The following IGSF21 variants were observed in gnomAD, a reference collection of about 807,000 sequenced individuals.
IGSF21 encodes the protein immunoglobin superfamily member 21, also known as immunoglobulin superfamily member 21.
In IGSF21, 28 loss-of-function variants were observed where a neutral mutation model predicts 46.8. The ratio of observed to expected loss-of-function variants is 0.60; its 90% confidence interval spans 0.44 to 0.82. The LOEUF (loss-of-function observed/expected upper bound fraction) is 0.82. Ranked by LOEUF, IGSF21 falls within the 40% of genes least tolerant of loss-of-function variation. The pLI is 0.00. For synonymous variants in IGSF21, 284 were observed against 273.6 expected (o/e 1.04, Z -0.38); for missense variants, 624 against 665.5 (o/e 0.94, Z 0.69).
chr1:18,325,082 C>T lies in IGSF21; in HGVS notation c.306-9810C>T, dbSNP rs2085644436. ...CCCACCTCCACCAGGCAGGGAAAGACAGAGAGTGCATCGCCATCTCTTTCA... is the reference window on the plus strand; with the variant it reads ...CCCACCTCCACCAGGCAGGGAAAGATAGAGAGTGCATCGCCATCTCTTTCA... On this transcript the variant is annotated intron_variant, in intron 3 of 9. Coordinates refer to ENST00000251296, the MANE Select transcript of IGSF21 (RefSeq NM_032880.5). Among the ~76,000 whole-genome samples the T allele has an allele frequency of 2.0e-5, 3 of 152,184 alleles. No individual in the cohort carries two copies. In the South Asian group the frequency reaches 6.2e-4, roughly 32 times the overall value.
chr1:18,206,175 A>G (rs1011161996), intron 1 of IGSF21, among the ~76,000 whole-genome samples: 1 of 152,226 alleles, frequency 6.6e-6, no homozygotes, highest in Non-Finnish European at 1.5e-5. Flanking sequence ...GAGACTGGGT[A>G]GTCAAGGCTT....
chr1:18,227,761 C>G, intron 1 of IGSF21, 137 bp from the exon 2 acceptor site: 1 of 661,508 alleles, frequency 1.5e-6, no homozygotes, highest in Non-Finnish European at 2.8e-6. Context: ...ACAGTGTGAA[C>G]AGCGTCCCTC....
chr1:18,360,975 C>T (rs377150625), intron 4 of IGSF21, among the ~76,000 whole-genome samples: 5 of 150,554 alleles, frequency 3.3e-5, no homozygotes, highest in African/African-American at 1.2e-4. Context: ...CGATGCCCCA[C>T]GGTGTCTGGG....
In IGSF21 at chr1:18,244,713, G is replaced by A. The variant is rs2084767968; in HGVS notation, c.183+16703G>A. 2.0e-5 allele frequency among the ~76,000 whole-genome samples: 3 copies of A among 152,176 alleles called. No homozygotes were observed. The South Asian group carries it at 6.2e-4, about 32-fold the overall frequency. On this transcript the variant is annotated intron_variant, in intron 2 of 9. Transcript: ENST00000251296. ...TAAAGGAAACTGGTAATTGCACATT[G>A]ATCTTCTATGCAGACATCTTACTGA...
chr1:18,352,847 G>T (rs1196422069), intron 4 of IGSF21, among the ~76,000 whole-genome samples: 1 of 152,196 alleles, frequency 6.6e-6, no homozygotes, highest in Non-Finnish European at 1.5e-5. Flanking sequence ...CCTCCCTGCA[G>T]AGCAGAGGCG....
In IGSF21 at chr1:18,171,322, C is replaced by T. The variant is rs967792794; in HGVS notation, c.71-56576C>T. On this transcript the variant is annotated intron_variant, in intron 1 of 9. Transcript: ENST00000251296. ...ATCCCTGGGGTCAGAGGGCTGGGGT[C>T]AGAGGGCTGCAGGGCAGAACGAAGG... 2.6e-5 allele frequency among the ~76,000 whole-genome samples: 4 copies of T among 152,062 alleles called. No homozygotes were observed. In the South Asian group the frequency reaches 8.3e-4, roughly 32 times the overall value.
chr1:18,215,935 G>A (rs1324489556), intron 1 of IGSF21, among the ~76,000 whole-genome samples: 1 of 152,156 alleles, frequency 6.6e-6, no homozygotes, highest in African/African-American at 2.4e-5. Context: ...TATTTGTGCA[G>A]CACACTCACT....
At chr1:18,369,269 G>C (rs2086201275) in intron 6 of IGSF21, among the ~76,000 whole-genome samples, 1 of 152,226 alleles carries the variant, frequency 6.6e-6, no homozygotes, top group Non-Finnish European at 1.5e-5. Flanking sequence ...ACCTGATGAA[G>C]GGGGAGAATA....
intron 2 of IGSF21, among the ~76,000 whole-genome samples, chr1:18,241,688 C>T (rs944704975): frequency 6.6e-6 from 1 of 152,168 alleles, no homozygotes; most frequent in African/African-American, 2.4e-5. Context: ...TTCCTCCCAT[C>T]TCCCTCATAT....
intron 2 of IGSF21, among the ~76,000 whole-genome samples, chr1:18,285,695 C>A (rs1425475708): frequency 1.3e-5 from 2 of 152,154 alleles, no homozygotes; most frequent in South Asian, 2.1e-4. Context: ...AGAAAAGAGA[C>A]ACCTGTTCTT....
At chr1:18,191,438 G>T (rs1421593167) in intron 1 of IGSF21, among the ~76,000 whole-genome samples, 1 of 152,134 alleles carries the variant, frequency 6.6e-6, no homozygotes, top group African/African-American at 2.4e-5. Context: ...CATCTCAGGG[G>T]GACCAGAGAA....
intron 1 of IGSF21, among the ~76,000 whole-genome samples, chr1:18,209,735 C>A (rs1227601855): frequency 1.3e-5 from 2 of 151,470 alleles, no homozygotes; most frequent in Admixed American, 6.6e-5. Flanking sequence ...GCTGAGATTA[C>A]AGGCGTGAGC....
chr1:18,378,422 T>G lies in IGSF21; in HGVS notation c.*96T>G. ...ATTTCCAGTCTTGTTCTTAGTCTCT[T>G]TCCATCTGTGTCTTGGCTTCTTCAG... On this transcript the variant is annotated 3_prime_UTR_variant, in exon 10 of 10. Coordinates refer to ENST00000251296, the MANE Select transcript of IGSF21 (RefSeq NM_032880.5). 9.5e-7 allele frequency: 1 copy of G among 1,054,956 alleles called. No homozygotes were observed. The highest frequency in any genetic ancestry group is 1.4e-6 in the Non-Finnish European group (1 of 713,074). The allele number at this position is 1,054,956 out of a possible 1,614,324, so 65.3% of individuals were successfully genotyped here.
intron 3 of IGSF21, among the ~76,000 whole-genome samples, chr1:18,296,850 C>A (rs376116460): frequency 6.6e-6 from 1 of 152,152 alleles, no homozygotes; most frequent in Admixed American, 6.5e-5. Flanking sequence ...TTGTCCCATT[C>A]GATCTGCTCA....
intron 1 of IGSF21, among the ~76,000 whole-genome samples, chr1:18,185,208 C>G (rs2086892042): frequency 6.6e-6 from 1 of 152,132 alleles, no homozygotes; most frequent in South Asian, 2.1e-4. Flanking sequence ...TGCAAGGGAT[C>G]CCCGCATAGT....
intron 4 of IGSF21, among the ~76,000 whole-genome samples, chr1:18,358,506 G>C (rs1002933677): frequency 2.6e-5 from 4 of 152,234 alleles, no homozygotes; most frequent in Non-Finnish European, 5.9e-5. Flanking sequence ...CACATGGGGT[G>C]AGTGGCTGCT....
intron 4 of IGSF21, among the ~76,000 whole-genome samples, chr1:18,350,566 T>A (rs988043230): frequency 2.6e-5 from 4 of 152,192 alleles, no homozygotes; most frequent in Non-Finnish European, 5.9e-5. Context: ...GGTGCATGAA[T>A]GTTCATTGTA....
intron 2 of IGSF21, among the ~76,000 whole-genome samples, chr1:18,279,561 GC>G (rs1262548938): frequency 6.6e-6 from 1 of 152,228 alleles, no homozygotes; most frequent in Non-Finnish European, 1.5e-5. Context: ...AGATGGGGGA[GC>G]CAAGGCCCAG....
At chr1:18,267,959 T>C (rs2085005588) in intron 2 of IGSF21, among the ~76,000 whole-genome samples, 1 of 152,256 alleles carries the variant, frequency 6.6e-6, no homozygotes, top group Non-Finnish European at 1.5e-5. Context: ...TGTCTAGCTC[T>C]TTACAGAAAA....
Sources: gnomAD v4.1 joint callset for allele counts (sites outside exome capture counted in the v4.1 genomes callset) on GRCh38, gnomAD v4.1.1 for gene constraint, MANE v1.5 for transcripts, NCBI Gene and HGNC (gene_info 2026-07-23, HGNC 2026-07-21) for gene names.